CSMD1: variants seen among roughly 807,000 people sequenced by gnomAD.
The protein encoded by CSMD1 is CUB and sushi domain-containing protein 1.
CSMD1 carries 213 observed loss-of-function variants against 417.5 expected under a neutral mutation model. The ratio of observed to expected loss-of-function variants is 0.51; its 90% CI spans 0.46 to 0.57. The LOEUF (loss-of-function observed/expected upper bound fraction) is 0.57, where lower values mean the gene tolerates loss of function less well. Among genes scored for constraint, CSMD1 ranks in the 20% least tolerant of loss-of-function variants. CSMD1 has a pLI of 0.00. For missense variants in CSMD1, 6,923 were observed against 4,529.7 expected, an observed-to-expected ratio of 1.53 and a Z score of -15.17; for synonymous variants, 2,862 against 1,736.8, an observed-to-expected ratio of 1.65 and a Z score of -16.11.
At chr8:4,754,155 G>C (rs188061150) in intron 1 of CSMD1, among the ~76,000 whole-genome samples, 1 of 152,254 alleles carries the variant, frequency 6.6e-6, no homozygotes, top group African/African-American at 2.4e-5. Context: ...AGACACTTCT[G>C]ATTGAGCAAA....
intron 20 of CSMD1, among the ~76,000 whole-genome samples, chr8:3,359,662 T>G (rs553536484): frequency 6.6e-6 from 1 of 151,988 alleles, no homozygotes; most frequent in South Asian, 2.1e-4. Flanking sequence ...TTAGAAGGAA[T>G]ATGTTCTAAT....
chr8:3,995,999 C>A lies in CSMD1; in HGVS notation c.818+1904G>T, dbSNP rs80149673. On this transcript the variant is annotated intron_variant, in intron 5 of 69. Coordinates refer to ENST00000635120, the MANE Select transcript of CSMD1 (RefSeq NM_033225.6). Reference sequence around the variant, plus strand: ...GTGGTAGTCTCTCTGGCTATCTGTGCTGATACTCTCTATGACAAGGATGAT... The same window carrying A: ...GTGGTAGTCTCTCTGGCTATCTGTGATGATACTCTCTATGACAAGGATGAT... 4.4e-3 allele frequency among the ~76,000 whole-genome samples: 663 copies of A among 152,280 alleles called. 5 individuals carry two copies. Among genetic ancestry groups the A allele is most frequent in the African/African-American group, 0.015 (623 of 41,550 alleles).
chr8:4,414,161 C>A (rs996764276), intron 3 of CSMD1, among the ~76,000 whole-genome samples: 1 of 152,138 alleles, frequency 6.6e-6, no homozygotes, highest in African/African-American at 2.4e-5. Flanking sequence ...AAGCTTTGAG[C>A]TTGAAGAGTA....
intron 9 of CSMD1, among the ~76,000 whole-genome samples, chr8:3,580,139 A>G (rs1366102122): frequency 6.6e-6 from 1 of 152,124 alleles, no homozygotes; most frequent in Non-Finnish European, 1.5e-5. Flanking sequence ...GAAAAAAAGT[A>G]TACATGCAGT....
intron 1 of CSMD1, among the ~76,000 whole-genome samples, chr8:4,913,066 G>T (rs922597445): frequency 6.6e-6 from 1 of 152,124 alleles, no homozygotes; most frequent in African/African-American, 2.4e-5. Flanking sequence ...TGGGATTACA[G>T]GGGTGAGCCC....
intron 5 of CSMD1, among the ~76,000 whole-genome samples, chr8:3,994,113 A>G (rs1814978992): frequency 2.6e-5 from 4 of 152,214 alleles, no homozygotes. Flanking sequence ...AAGCTCAGTC[A>G]TGGAAGTTAA....
intron 1 of CSMD1, among the ~76,000 whole-genome samples, chr8:4,780,818 T>G (rs1055674900): frequency 6.6e-6 from 1 of 152,198 alleles, no homozygotes; most frequent in East Asian, 1.9e-4. Flanking sequence ...GAACATACAA[T>G]GTTTGGTTTT....
intron 5 of CSMD1, among the ~76,000 whole-genome samples, chr8:3,897,447 T>C (rs1333619946): frequency 1.3e-5 from 2 of 152,188 alleles, no homozygotes; most frequent in African/African-American, 4.8e-5. Context: ...CAATTTATGA[T>C]CTTAAAGTCA....
intron 6 of CSMD1, among the ~76,000 whole-genome samples, chr8:3,730,714 C>G (rs1377329594): frequency 6.6e-6 from 1 of 152,184 alleles, no homozygotes. Flanking sequence ...TTCCATTAAA[C>G]AGACCTAGAA....
intron 3 of CSMD1, among the ~76,000 whole-genome samples, chr8:4,113,613 C>T (rs943233784): frequency 6.6e-6 from 1 of 151,976 alleles, no homozygotes; most frequent in Non-Finnish European, 1.5e-5. Context: ...ACTGTGTTAG[C>T]CAGGATGGTC....
intron 7 of CSMD1, among the ~76,000 whole-genome samples, chr8:3,694,777 G>A (rs1414322454): frequency 6.6e-6 from 1 of 151,750 alleles, no homozygotes; most frequent in Non-Finnish European, 1.5e-5. Flanking sequence ...GGAAAGAGCG[G>A]TCCAAGCAGA....
intron 2 of CSMD1, among the ~76,000 whole-genome samples, chr8:4,595,950 A>C (rs947540528): frequency 6.6e-6 from 1 of 152,080 alleles, no homozygotes; most frequent in East Asian, 1.9e-4. Context: ...AAACTATATG[A>C]ACTGTACCAC....
chr8:4,244,762 T>G (rs1315829349), intron 3 of CSMD1, among the ~76,000 whole-genome samples: 1 of 152,140 alleles, frequency 6.6e-6, no homozygotes, highest in Admixed American at 6.6e-5. Context: ...GTTTTGCTAC[T>G]TAAAGAAAAA....
intron 16 of CSMD1, among the ~76,000 whole-genome samples, chr8:3,398,632 A>C (rs1811844902): frequency 6.6e-6 from 1 of 152,188 alleles, no homozygotes; most frequent in Non-Finnish European, 1.5e-5. Flanking sequence ...TTGTTAGAGA[A>C]AGCCCAATGT....
At chr8:3,834,887 C>A (rs192919052) in intron 5 of CSMD1, among the ~76,000 whole-genome samples, 4,023 of 151,808 alleles carry the variant, frequency 0.027, 189 homozygotes, top group African/African-American at 0.091. Context: ...AACAAACAAC[C>A]CCATCAAAAA....
intron 1 of CSMD1, among the ~76,000 whole-genome samples, chr8:4,701,386 G>T (rs941627591): frequency 6.6e-6 from 1 of 151,026 alleles, no homozygotes; most frequent in Non-Finnish European, 1.5e-5. Flanking sequence ...ACCTAACAGA[G>T]CACCCAGGAT....
intron 2 of CSMD1, among the ~76,000 whole-genome samples, chr8:4,517,991 T>A (rs757754789): frequency 6.6e-6 from 1 of 152,152 alleles, no homozygotes; most frequent in Non-Finnish European, 1.5e-5. Context: ...TATTCAATAT[T>A]GATACTCATT....
At chr8:3,998,274 G>A (rs1245422447) in intron 4 of CSMD1, among the ~76,000 whole-genome samples, 164 bp from the exon 5 acceptor site, 1 of 152,172 alleles carries the variant, frequency 6.6e-6, no homozygotes, top group Non-Finnish European at 1.5e-5. Flanking sequence ...TGAGTTCTAT[G>A]AAAAGGCTTA....
chr8:4,390,421 G>C (rs1803763622), intron 3 of CSMD1, among the ~76,000 whole-genome samples: 1 of 152,006 alleles, frequency 6.6e-6, no homozygotes, highest in Non-Finnish European at 1.5e-5. Flanking sequence ...ATCGTATAGA[G>C]ATATGATAAA....
Sources: allele counts gnomAD v4.1 joint callset (sites outside exome capture counted in the v4.1 genomes callset), GRCh38; gene constraint gnomAD v4.1.1; transcripts MANE v1.5; gene names NCBI Gene and HGNC (gene_info 2026-07-23, HGNC 2026-07-21).